Variants in MAP3K20 observed in about 807,000 individuals in gnomAD.
MAP3K20 encodes the protein mitogen-activated protein kinase kinase kinase 20, also known as HCCS-4.
In MAP3K20, 40 loss-of-function variants were observed where a neutral mutation model predicts 85.7. That is an observed-to-expected ratio of 0.47 (90% CI 0.36 to 0.61). The LOEUF (loss-of-function observed/expected upper bound fraction) is 0.61, where lower values mean the gene tolerates loss of function less well. Among genes scored for constraint, MAP3K20 ranks in the 20% least tolerant of loss-of-function variants. MAP3K20 has a pLI of 0.00. For synonymous variants in MAP3K20, 325 were observed against 327.7 expected, an observed-to-expected ratio of 0.99 and a Z score of 0.09; for missense variants, 817 against 961.7, an observed-to-expected ratio of 0.85 and a Z score of 1.99.
intron 3 of MAP3K20, among the ~76,000 whole-genome samples, chr2:173,172,205 G>A (rs938672113): frequency 6.6e-6 from 1 of 152,094 alleles, no homozygotes; most frequent in African/African-American, 2.4e-5. Flanking sequence ...AAGATAGGTG[G>A]GAAAACTGAC....
intron 7 of MAP3K20, among the ~76,000 whole-genome samples, chr2:173,197,503 G>A (rs189044490): frequency 6.6e-6 from 1 of 152,312 alleles, no homozygotes; most frequent in East Asian, 1.9e-4. Context: ...AATGTAACTT[G>A]TAAAATCTAA....
At chr2:173,140,137 G>C (rs1429232604) in intron 2 of MAP3K20, among the ~76,000 whole-genome samples, 1 of 151,262 alleles carries the variant, frequency 6.6e-6, no homozygotes, top group Non-Finnish European at 1.5e-5. Context: ...TCAGCCTCCC[G>C]AGTAGCTGGA....
intron 11 of MAP3K20, chr2:173,224,394 C>T (rs1684331056): frequency 2.0e-6 from 2 of 985,030 alleles, no homozygotes; most frequent in African/African-American, 1.7e-5. Flanking sequence ...TGTATAAATC[C>T]ATATGATTAT....
intron 16 of MAP3K20, among the ~76,000 whole-genome samples, chr2:173,254,433 CA>C (rs755879153): frequency 0.078 from 5,168 of 65,962 alleles, 120 homozygotes; most frequent in African/African-American, 0.16. Flanking sequence ...GACTTCGTCT[CA>C]AAAAAAAAAA....
intron 4 of MAP3K20, among the ~76,000 whole-genome samples, chr2:173,183,850 C>T (rs912349210): frequency 4.6e-5 from 7 of 152,156 alleles, no homozygotes; most frequent in South Asian, 2.1e-4. Flanking sequence ...GCAACTCATA[C>T]GTTGATTTCA....
intron 14 of MAP3K20, among the ~76,000 whole-genome samples, chr2:173,233,701 G>A (rs559086305): frequency 3.9e-5 from 6 of 152,048 alleles, no homozygotes; most frequent in African/African-American, 9.7e-5. Flanking sequence ...CTACCAACAC[G>A]CCAGCTAGTC....
chr2:173,101,667 T>C (rs1431868264), intron 2 of MAP3K20, among the ~76,000 whole-genome samples: 1 of 152,080 alleles, frequency 6.6e-6, no homozygotes, highest in East Asian at 1.9e-4. Flanking sequence ...AATTGAAAAA[T>C]TGGAGGAGAG....
intron 2 of MAP3K20, among the ~76,000 whole-genome samples, chr2:173,115,963 GA>G (rs1406214551): frequency 6.6e-6 from 1 of 151,478 alleles, no homozygotes; most frequent in Non-Finnish European, 1.5e-5. Flanking sequence ...GCAGAAAGGC[GA>G]AGGGGAAGCA....
chr2:173,094,840 C>T (rs1484345207), intron 2 of MAP3K20, among the ~76,000 whole-genome samples: 6 of 152,172 alleles, frequency 3.9e-5, no homozygotes, highest in Admixed American at 3.9e-4. Context: ...AATTTCTCCA[C>T]AGTACAAGAA....
At chr2:173,234,034 G>C (rs959535919) in intron 14 of MAP3K20, among the ~76,000 whole-genome samples, 5 of 152,212 alleles carry the variant, frequency 3.3e-5, no homozygotes, top group African/African-American at 1.2e-4. Flanking sequence ...GCTGGCTTAG[G>C]TGGGCCACAG....
chr2:173,121,634 G>A (rs566522549), intron 2 of MAP3K20, among the ~76,000 whole-genome samples: 14 of 152,134 alleles, frequency 9.2e-5, no homozygotes, highest in East Asian at 7.8e-4. Flanking sequence ...TGATCCGCCC[G>A]CCTTGGCCTC....
intron 17 of MAP3K20, among the ~76,000 whole-genome samples, chr2:173,259,446 A>C (rs1399362971): frequency 6.6e-6 from 1 of 152,358 alleles, no homozygotes; most frequent in African/African-American, 2.4e-5. Flanking sequence ...GGAACAATAC[A>C]TATGAGACTT....
At chr2:173,131,327 T>C (rs1255137302) in intron 2 of MAP3K20, among the ~76,000 whole-genome samples, 1 of 152,192 alleles carries the variant, frequency 6.6e-6, no homozygotes, top group East Asian at 1.9e-4. Flanking sequence ...CATTAAACAA[T>C]GAAATGCCAC....
intron 2 of MAP3K20, among the ~76,000 whole-genome samples, chr2:173,160,747 T>G (rs913986716): frequency 6.6e-6 from 1 of 152,204 alleles, no homozygotes; most frequent in Non-Finnish European, 1.5e-5. Context: ...GTACAATAGT[T>G]CTGGACTCTG....
At chr2:173,085,203 C>A (rs1022223789) in intron 1 of MAP3K20, among the ~76,000 whole-genome samples, 2 of 152,066 alleles carry the variant, frequency 1.3e-5, no homozygotes, top group African/African-American at 4.8e-5. Flanking sequence ...TGCTTTTTAA[C>A]ATTAGAACTG....
intron 2 of MAP3K20, among the ~76,000 whole-genome samples, chr2:173,129,831 G>A (rs886813814): frequency 1.3e-5 from 2 of 152,164 alleles, no homozygotes; most frequent in African/African-American, 4.8e-5. Flanking sequence ...CTTAAGTGGA[G>A]TCAAGAACTT....
At chr2:173,130,454 C>T (rs908251274) in intron 2 of MAP3K20, among the ~76,000 whole-genome samples, 6 of 152,126 alleles carry the variant, frequency 3.9e-5, no homozygotes, top group African/African-American at 1.2e-4. Flanking sequence ...TATTTTTATG[C>T]TATCAAGGAG....
chr2:173,199,601 C>G (rs1234110153), intron 8 of MAP3K20, among the ~76,000 whole-genome samples: 1 of 148,308 alleles, frequency 6.7e-6, no homozygotes, highest in African/African-American at 2.5e-5. Flanking sequence ...ACTCTGGAAC[C>G]AAAACATTCA....
At chr2:173,102,725 A>C (rs998427124) in intron 2 of MAP3K20, among the ~76,000 whole-genome samples, 1 of 152,202 alleles carries the variant, frequency 6.6e-6, no homozygotes, top group African/African-American at 2.4e-5. Context: ...GTAATGTACA[A>C]AATCAGCTGA....
Sources: gnomAD v4.1 joint callset for allele counts (sites outside exome capture counted in the v4.1 genomes callset) on GRCh38, gnomAD v4.1.1 for gene constraint, MANE v1.5 for transcripts, NCBI Gene and HGNC (gene_info 2026-07-23, HGNC 2026-07-21) for gene names.